Variants in NAA11 observed in about 807,000 individuals in gnomAD.
The protein encoded by NAA11 is N-alpha-acetyltransferase 11, NatA catalytic subunit.
A neutral mutation model predicts 16.1 loss-of-function variants in NAA11; 15 were observed. The observed-to-expected ratio is 0.93, with a 90% CI of 0.62 to 1.44. NAA11 has a LOEUF of 1.44. NAA11 is among the 40% of genes most tolerant of loss of function. The pLI, the probability that NAA11 is intolerant of heterozygous loss-of-function variation, is 0.00. For synonymous variants in NAA11, 122 were observed against 112.4 expected (o/e 1.09, Z -0.54); for missense variants, 298 against 291.3 (o/e 1.02, Z -0.17).
chr4:79,185,701 C>T, the NAA11 span, among the ~76,000 whole-genome samples: 4 of 152,172 alleles, frequency 2.6e-5, no homozygotes, highest in South Asian at 6.2e-4. Flanking sequence ...TCTCTCCCCA[C>T]CCCATTCTAA....
chr4:79,175,436 A>T, the NAA11 span, among the ~76,000 whole-genome samples: 1 of 152,244 alleles, frequency 6.6e-6, no homozygotes, highest in South Asian at 2.1e-4. Flanking sequence ...GCTAAGAAAC[A>T]GGTCTTCTTT....
intron 2 of NAA11, among the ~76,000 whole-genome samples, chr4:79,226,776 G>A (rs1231489277): frequency 6.6e-6 from 1 of 151,938 alleles, no homozygotes; most frequent in Non-Finnish European, 1.5e-5. Context: ...TTTTATGGCT[G>A]CATAGTATTC....
At chr4:79,243,579 T>C (rs558548436) in intron 2 of NAA11, among the ~76,000 whole-genome samples, 4 of 152,368 alleles carry the variant, frequency 2.6e-5, no homozygotes, top group African/African-American at 9.6e-5. Context: ...TTACTGTCTT[T>C]TAAATAAAAC....
At chr4:79,179,937 G>T in the NAA11 span, among the ~76,000 whole-genome samples, 2 of 152,136 alleles carry the variant, frequency 1.3e-5, no homozygotes, top group South Asian at 2.1e-4. Flanking sequence ...TCACAAGGTC[G>T]CAGGAGGAAG....
chr4:79,264,132 A>C (rs1202802796), intron 2 of NAA11, among the ~76,000 whole-genome samples: 1 of 152,220 alleles, frequency 6.6e-6, no homozygotes, highest in African/African-American at 2.4e-5. Flanking sequence ...ATCAGCACTA[A>C]AGTACAACCA....
At chr4:79,207,196 C>T in the NAA11 span, among the ~76,000 whole-genome samples, 1 of 151,840 alleles carries the variant, frequency 6.6e-6, no homozygotes, top group South Asian at 2.1e-4. Flanking sequence ...TTATTCCTTG[C>T]TCTTGCCTGA....
the NAA11 span, among the ~76,000 whole-genome samples, chr4:79,178,449 T>C: frequency 6.6e-6 from 1 of 152,220 alleles, no homozygotes; most frequent in African/African-American, 2.4e-5. Context: ...TCCTAGAGAA[T>C]AGTTCAGATA....
the NAA11 span, among the ~76,000 whole-genome samples, chr4:79,187,555 TC>T: frequency 2.0e-5 from 3 of 152,230 alleles, no homozygotes; most frequent in Non-Finnish European, 4.4e-5. Flanking sequence ...TATATTAGGT[TC>T]GGAAACGGTA....
At chr4:79,266,848 C>G (rs1279828400) in intron 2 of NAA11, among the ~76,000 whole-genome samples, 1 of 152,080 alleles carries the variant, frequency 6.6e-6, no homozygotes, top group Non-Finnish European at 1.5e-5. Flanking sequence ...GGAAAAGATA[C>G]ATTTATTGAA....
intron 1 of NAA11, chr4:79,299,242 C>T (rs1456580695): frequency 1.3e-5 from 2 of 152,150 alleles, no homozygotes; most frequent in African/African-American, 4.8e-5. Context: ...ATAAGAAAAC[C>T]GAGGCATAGA....
chr4:79,169,276 A>T, the NAA11 span, among the ~76,000 whole-genome samples: 4 of 152,214 alleles, frequency 2.6e-5, no homozygotes, highest in Non-Finnish European at 5.9e-5. Flanking sequence ...ATATGGAATA[A>T]AAAAAGAGTT....
the NAA11 span, among the ~76,000 whole-genome samples, chr4:79,198,539 G>A: frequency 6.6e-6 from 1 of 151,852 alleles, no homozygotes; most frequent in Non-Finnish European, 1.5e-5. Context: ...GGTGTTTTCT[G>A]AGGTCTGGGG....
At chr4:79,225,322 T>C (rs1043378384), downstream of NAA11, among the ~76,000 whole-genome samples, 3 of 152,036 alleles carry the variant, frequency 2.0e-5, no homozygotes, top group Non-Finnish European at 4.4e-5. Context: ...ATAAACTGTT[T>C]TAAATTTTAG....
chr4:79,300,911 G>C (rs1277030657), intron 1 of NAA11, among the ~76,000 whole-genome samples: 1 of 152,146 alleles, frequency 6.6e-6, no homozygotes, highest in African/African-American at 2.4e-5. Flanking sequence ...GGTAATCACT[G>C]ATAGTAGAAG....
the NAA11 span, among the ~76,000 whole-genome samples, chr4:79,189,777 G>C: frequency 2.6e-5 from 4 of 152,122 alleles, no homozygotes; most frequent in Non-Finnish European, 4.4e-5. Flanking sequence ...GATCCCAGAC[G>C]GAGACAGAAT....
intron 2 of NAA11, among the ~76,000 whole-genome samples, chr4:79,230,797 A>G (rs1469899850): frequency 3.9e-5 from 6 of 151,990 alleles, no homozygotes; most frequent in Non-Finnish European, 1.5e-5. Flanking sequence ...TAACAGAGAA[A>G]GTGCTCAAGA....
At chr4:79,323,030 C>G (rs1362544259) in intron 1 of NAA11, among the ~76,000 whole-genome samples, 1 of 152,144 alleles carries the variant, frequency 6.6e-6, no homozygotes, top group African/African-American at 2.4e-5. Flanking sequence ...ATATAAACAT[C>G]AGTCTGTCTT....
chr4:79,208,131 A>G, the NAA11 span, among the ~76,000 whole-genome samples: 1 of 152,170 alleles, frequency 6.6e-6, no homozygotes, highest in Non-Finnish European at 1.5e-5. Context: ...GGAATTGGAC[A>G]GGAGGAACAG....
At chr4:79,274,875 T>G (rs1284521372) in intron 2 of NAA11, among the ~76,000 whole-genome samples, 1 of 152,078 alleles carries the variant, frequency 6.6e-6, no homozygotes, top group Non-Finnish European at 1.5e-5. Context: ...GTATCTAATC[T>G]ACAGCCAGGT....
Sources: gnomAD v4.1 joint callset for allele counts (sites outside exome capture counted in the v4.1 genomes callset) on GRCh38, gnomAD v4.1.1 for gene constraint, MANE v1.5 for transcripts, NCBI Gene and HGNC (gene_info 2026-07-23, HGNC 2026-07-21) for gene names.